The following STAC2 variants were observed in gnomAD, a reference collection of about 807,000 sequenced individuals.
STAC2 encodes SH3 and cysteine rich domain 2.
In STAC2, 36 loss-of-function variants were observed where a neutral mutation model predicts 49.0. The ratio of observed to expected loss-of-function variants is 0.74; its 90% CI spans 0.56 to 0.97. The LOEUF (loss-of-function observed/expected upper bound fraction) is 0.97, where lower values mean the gene tolerates loss of function less well. Among genes scored for constraint, STAC2 ranks in the 50% least tolerant of loss-of-function variants. STAC2 has a pLI of 0.00. For synonymous variants in STAC2, 239 were observed against 214.7 expected, an observed-to-expected ratio of 1.11 and a Z score of -0.99; for missense variants, 527 against 543.8, an observed-to-expected ratio of 0.97 and a Z score of 0.31.
At position 39,214,788 on chromosome 17, in the gene STAC2, C is replaced by T; in HGVS notation, c.843+3G>A. On this transcript the variant is annotated splice_donor_region_variant and intron_variant, in intron 7 of 10. Transcript: ENST00000333461. Reference sequence around the variant, plus strand: ...TTCCGGGCCAATGCCAGTACAGGCTCACCTGCTGTCCAGGACTCTTCTCCT... The same window carrying T: ...TTCCGGGCCAATGCCAGTACAGGCTTACCTGCTGTCCAGGACTCTTCTCCT... The T allele has an allele frequency of 1.2e-6, 2 of 1,613,886 alleles. No individual in the cohort carries two copies. Among genetic ancestry groups the T allele is most frequent in the Non-Finnish European group, 1.7e-6 (2 of 1,179,892 alleles).
intron 9 of STAC2, 30 bp downstream of exon 9, chr17:39,213,477 G>C: frequency 2.5e-6 from 4 of 1,613,000 alleles, no homozygotes; most frequent in Non-Finnish European, 3.4e-6. Context: ...GCCTACCAGT[G>C]TCCCTCCACT....
At chr17:39,217,708 G>A (rs2046417935) in intron 2 of STAC2, among the ~76,000 whole-genome samples, 159 bp downstream of exon 2, 1 of 151,716 alleles carries the variant, frequency 6.6e-6, no homozygotes, top group Admixed American at 6.6e-5. Flanking sequence ...GGGAGACAGA[G>A]CAAGACTCTG....
chr17:39,213,429 TG>T, intron 9 of STAC2, 77 bp downstream of exon 9: 4 of 1,552,746 alleles, frequency 2.6e-6, no homozygotes, highest in South Asian at 1.1e-5. Context: ...GGAGAGAAGG[TG>T]GGGGCAGTGC....
chr17:39,214,025 C>G (rs572044136), intron 8 of STAC2, among the ~76,000 whole-genome samples: 54 of 152,138 alleles, frequency 3.5e-4, no homozygotes, highest in African/African-American at 1.3e-3. Context: ...ACCACAGGTA[C>G]AGCAGGCACT....
Position 39,214,240 on chromosome 17 carries a change from C to G in STAC2, c.934G>C (p.Ala312Pro), listed in dbSNP as rs1352810550. ...GTCACAAAGAGGACTTACTGCAGAG[C>G]CAGATCATTGTTCTCCTGGGGCAGA... ...KFLPQENNDL[A>P]LQPGDRIMLV... The change falls in exon 8 of 11, where the codon GCT (alanine) becomes CCT (proline). Residue 312 changes from alanine (A) to proline (P), a missense_variant. Transcript: ENST00000333461. 1 of 1,613,880 alleles carries G rather than the reference C, an allele frequency of 6.2e-7. No homozygotes were observed. Among genetic ancestry groups the G allele is most frequent in the Non-Finnish European group, 8.5e-7 (1 of 1,179,846 alleles).
rs2046387289 is a variant in STAC2, at chr17:39,214,876, G to A, written c.773-15C>T. The A allele has an allele frequency of 6.2e-7, 1 of 1,614,024 alleles. No individual in the cohort carries two copies. Among genetic ancestry groups the A allele is most frequent in the Non-Finnish European group, 8.5e-7 (1 of 1,179,960 alleles). On this transcript the variant is annotated splice_polypyrimidine_tract_variant and intron_variant, in intron 6 of 10. Coordinates refer to ENST00000333461, the MANE Select transcript of STAC2 (RefSeq NM_198993.5). ...TACTGGAGATGCTAGGGGCAGGAGA[G>A]GGAAAGGGTGAGAGGCAGCAGGGAG...
intron 1 of STAC2, among the ~76,000 whole-genome samples, chr17:39,220,640 A>G (rs1225992397): frequency 1.3e-5 from 2 of 151,740 alleles, no homozygotes; most frequent in Middle Eastern, 6.8e-3. Flanking sequence ...ATGCCCGGCT[A>G]ATTTTGTATT....
At chr17:39,218,553 C>T (rs6503496) in intron 1 of STAC2, among the ~76,000 whole-genome samples, 147,233 of 152,312 alleles carry the variant, frequency 0.97, 71,191 homozygotes, top group East Asian at 1. Context: ...TATGTGAAAT[C>T]GGATAGAAAC....
chr17:39,214,530 C>T, intron 7 of STAC2, 200 bp from the exon 8 acceptor site: 1 of 892,978 alleles, frequency 1.1e-6, no homozygotes, highest in Non-Finnish European at 1.3e-6. Flanking sequence ...AGAGGGGAGC[C>T]CCCTTCTGCC....
chr17:39,221,038 C>T (rs13342155), intron 1 of STAC2, among the ~76,000 whole-genome samples: 6,200 of 150,210 alleles, frequency 0.041, 424 homozygotes, highest in African/African-American at 0.15. Context: ...CCTCGTGATC[C>T]GCCTGTTTCG....
In STAC2 at chr17:39,217,076, C is replaced by T. The variant is rs771531486; in HGVS notation, c.495G>A (p.Thr165=). 2.1e-5 allele frequency: 34 copies of T among 1,613,730 alleles called. No individual in the cohort carries two copies. Among genetic ancestry groups the T allele is most frequent in the South Asian group, 6.6e-5 (6 of 91,088 alleles). ...CATCTCTGCCTGGGTCCCCGCTCAC[C>T]GTCTTGCCTGGGCATTGCTGGTGGG... ...EISHQQCPGK[T]STSFRRNFSS... Residue 165 remains threonine, a splice_region_variant and synonymous_variant, in exon 3 of 11, where the codon ACG becomes ACA. Coordinates refer to ENST00000333461, the MANE Select transcript of STAC2 (RefSeq NM_198993.5).
At position 39,212,303 on chromosome 17, in the gene STAC2, T is replaced by A. The variant is rs1457560916; in HGVS notation, c.1225A>T (p.Thr409Ser). The change falls in exon 11 of 11, where the codon ACT becomes TCT. Residue 409 changes from threonine to serine, a missense_variant. Physicochemically the swap from Thr to Ser is moderately conservative, Grantham distance 58 (BLOSUM62 1). Transcript: ENST00000333461. ...TCCCTTGGCTCCTCTCAGATCTCAGTCAGGGCGTCGACTGGCACCAGGCCC... is the reference window on the plus strand; with the variant it reads ...TCCCTTGGCTCCTCTCAGATCTCAGACAGGGCGTCGACTGGCACCAGGCCC... ...KRGLVPVDAL[T>S]EI The A allele has an allele frequency of 6.2e-7, 1 of 1,609,414 alleles. No individual in the cohort carries two copies.
At chr17:39,218,563 C>G (rs1037971891) in intron 1 of STAC2, among the ~76,000 whole-genome samples, 3 of 152,122 alleles carry the variant, frequency 2.0e-5, no homozygotes, top group Non-Finnish European at 2.9e-5. Flanking sequence ...CGGATAGAAA[C>G]AAGTTTAAGT....
intron 1 of STAC2, among the ~76,000 whole-genome samples, chr17:39,223,186 C>T (rs1299790461): frequency 1.3e-5 from 2 of 152,188 alleles, no homozygotes; most frequent in Non-Finnish European, 2.9e-5. Context: ...CTCTGTTGTA[C>T]CTGCCTCACA....
chr17:39,212,881 C>T (rs932785214), intron 10 of STAC2, 114 bp downstream of exon 10: 24 of 1,499,214 alleles, frequency 1.6e-5, no homozygotes, highest in Non-Finnish European at 8.9e-6. Flanking sequence ...GCTTTCCCCT[C>T]AACTGCCAAG....
At chr17:39,221,539 C>G (rs2046462813) in intron 1 of STAC2, among the ~76,000 whole-genome samples, 1 of 152,184 alleles carries the variant, frequency 6.6e-6, no homozygotes, top group East Asian at 1.9e-4. Flanking sequence ...CCTGATGCTG[C>G]CCTTGGAAGT....
At chr17:39,214,382 C>A in intron 7 of STAC2, 52 bp from the exon 8 acceptor site, 4 of 1,609,598 alleles carry the variant, frequency 2.5e-6, no homozygotes, top group Non-Finnish European at 3.4e-6. Context: ...CTCACTCCCC[C>A]CACTCTCCAC....
chr17:39,215,045 G>T, intron 5 of STAC2, 22 bp from the exon 6 acceptor site: 1 of 1,614,038 alleles, frequency 6.2e-7, no homozygotes, highest in Non-Finnish European at 8.5e-7. Flanking sequence ...GAGAGGAGAG[G>T]GCTCAGCCCC....
chr17:39,211,766 A>G lies in STAC2; in HGVS notation c.*526T>C, dbSNP rs1021584885. 1 of 152,638 alleles carries G rather than the reference A, an allele frequency of 6.6e-6. No individual in the cohort carries two copies. The highest frequency in any genetic ancestry group is 1.5e-5 in the Non-Finnish European group (1 of 68,078). 9.5% of individuals were successfully genotyped at this position (152,638 alleles called of 1,614,324 possible). A position where few individuals can be genotyped will look rare whatever the true frequency, so the allele number is the denominator to read the frequency against. ...CAGGAGGTGGACTCAGGACCTTCCT[A>G]TGGTCCTGGGTCCCCTCCCCACCAA... On this transcript the variant is annotated 3_prime_UTR_variant, in exon 11 of 11. Transcript: ENST00000333461.
Sources: allele counts gnomAD v4.1 joint callset (sites outside exome capture counted in the v4.1 genomes callset), GRCh38; gene constraint gnomAD v4.1.1; transcripts MANE v1.5; gene names NCBI Gene and HGNC (gene_info 2026-07-23, HGNC 2026-07-21).